PCDHA8: variants seen among roughly 807,000 people sequenced by gnomAD.
PCDHA8 encodes the protein protocadherin alpha 8.
In PCDHA8, 53 loss-of-function variants were observed where a neutral mutation model predicts 61.8. The observed-to-expected ratio is 0.86, with a 90% CI of 0.69 to 1.08. The LOEUF is 1.08. PCDHA8 is among the 50% of genes least tolerant of loss of function. The probability of loss-of-function intolerance (pLI) is 0.00; values close to 1 mark genes in which losing one functional copy is unlikely to be tolerated. For missense variants in PCDHA8, 1,293 were observed against 1,245.0 expected (o/e 1.04, Z -0.58); for synonymous variants, 618 against 556.6 (o/e 1.11, Z -1.55).
In PCDHA8 at chr5:140,983,053, C is replaced by T. The variant is rs571565176; in HGVS notation, c.2542+490C>T. 3.3e-5 allele frequency among the ~76,000 whole-genome samples: 5 copies of T among 151,988 alleles called. No homozygotes were observed. In the East Asian group the frequency reaches 5.8e-4, roughly 18 times the overall value. On this transcript the variant is annotated intron_variant, in intron 3 of 3. Transcript: ENST00000531613. ...GTTTCTCATGGAAGTGGAAAATTAT[C>T]GGAACCAAGGCATTGTTTTGAGTTC...
At chr5:140,887,767 A>G (rs782237653) in intron 1 of PCDHA8, among the ~76,000 whole-genome samples, 6 of 152,194 alleles carry the variant, frequency 3.9e-5, no homozygotes, top group African/African-American at 7.2e-5. Context: ...CATATGTTAC[A>G]ATGACACAGG....
At chr5:140,859,250 T>C (rs952505479) in intron 1 of PCDHA8, 7 of 133,126 alleles carry the variant, frequency 5.3e-5, no homozygotes, top group African/African-American at 1.9e-4. Flanking sequence ...TGTTTAATAA[T>C]GAAGAGAATT....
intron 1 of PCDHA8, chr5:140,861,256 C>T (rs553582293): frequency 1.8e-5 from 3 of 166,694 alleles, no homozygotes; most frequent in African/African-American, 7.2e-5. Flanking sequence ...GCCAGGAATC[C>T]CGGAGCCTAC....
intron 1 of PCDHA8, chr5:140,849,736 AC>A: frequency 1.3e-6 from 2 of 1,598,292 alleles, no homozygotes; most frequent in Non-Finnish European, 1.7e-6. Flanking sequence ...AGAGCTCTGG[AC>A]CGCGAGAGTG....
At chr5:140,899,423 G>A (rs2067323431) in intron 1 of PCDHA8, among the ~76,000 whole-genome samples, 1 of 152,134 alleles carries the variant, frequency 6.6e-6, no homozygotes. Context: ...TTTGTCAAAG[G>A]TCTTTTCTGC....
At chr5:140,926,139 C>A (rs1434952263) in intron 1 of PCDHA8, among the ~76,000 whole-genome samples, 11 of 152,088 alleles carry the variant, frequency 7.2e-5, no homozygotes, top group Non-Finnish European at 1.5e-4. Flanking sequence ...GCAGCAGGAT[C>A]CAGCGCGGAA....
intron 1 of PCDHA8, chr5:140,966,932 G>A: frequency 6.2e-7 from 1 of 1,603,726 alleles, no homozygotes; most frequent in Non-Finnish European, 8.5e-7. Flanking sequence ...GGCACCCGGC[G>A]CGCTCGTGGG....
chr5:140,875,629 G>A, intron 1 of PCDHA8: 1 of 1,613,758 alleles, frequency 6.2e-7, no homozygotes, highest in Non-Finnish European at 8.5e-7. Flanking sequence ...TCAGGACCTG[G>A]GGCTGGAGCT....
intron 1 of PCDHA8, among the ~76,000 whole-genome samples, chr5:140,873,139 A>G (rs1325307438): frequency 6.6e-6 from 1 of 152,216 alleles, no homozygotes; most frequent in Non-Finnish European, 1.5e-5. Context: ...TCTATGCTGA[A>G]GCCTATTCAT....
intron 1 of PCDHA8, among the ~76,000 whole-genome samples, chr5:140,940,208 A>T (rs1193106137): frequency 6.6e-6 from 1 of 152,164 alleles, no homozygotes; most frequent in Non-Finnish European, 1.5e-5. Flanking sequence ...AAAATTCAAG[A>T]TTGGCATTTA....
In PCDHA8 at chr5:140,903,129, A is replaced by C. The variant is rs184256724; in HGVS notation, c.2394+59414A>C. On this transcript the variant is annotated intron_variant, in intron 1 of 3. Coordinates refer to ENST00000531613, the MANE Select transcript of PCDHA8 (RefSeq NM_018911.3). ...TAGCTCTACTTCTAAATCTTTAAGA[A>C]ATCTCCAAACTGTTTTCCATAGTGG... Among the ~76,000 whole-genome samples the C allele has an allele frequency of 2.8e-3, 421 of 152,322 alleles. 2 individuals carry two copies. Among genetic ancestry groups the C allele is most frequent in the Middle Eastern group, 0.014 (4 of 294 alleles).
At chr5:140,948,325 C>T (rs1554218520) in intron 1 of PCDHA8, among the ~76,000 whole-genome samples, 1 of 151,476 alleles carries the variant, frequency 6.6e-6, no homozygotes. Flanking sequence ...GTAATGTTTT[C>T]ATTAGGTTTT....
chr5:140,908,547 A>G (rs2074022083), intron 1 of PCDHA8, among the ~76,000 whole-genome samples: 1 of 152,152 alleles, frequency 6.6e-6, no homozygotes, highest in Non-Finnish European at 1.5e-5. Context: ...AAAGCCCAGT[A>G]ATAGGCCAAG....
chr5:141,011,085 T>C lies in PCDHA8; in HGVS notation c.*1148T>C, dbSNP rs2098419298. The C allele has an allele frequency of 6.5e-6, 1 of 153,776 alleles. No homozygotes were observed. Among genetic ancestry groups the C allele is most frequent in the Non-Finnish European group, 1.5e-5 (1 of 68,046 alleles). The allele number at this position is 153,776 out of a possible 1,614,324, so 9.5% of individuals were successfully genotyped here. A position where few individuals can be genotyped will look rare whatever the true frequency, so the allele number is the denominator to read the frequency against. ...ATGTATTACTAAATAAAATGATCTC[T>C]CTTTCTCTCTCTCTCTCTCTTTTCT... On this transcript the variant is annotated 3_prime_UTR_variant, in exon 4 of 4. Transcript: ENST00000531613.
At chr5:140,922,888 C>A (rs1584282377) in intron 1 of PCDHA8, among the ~76,000 whole-genome samples, 1 of 152,236 alleles carries the variant, frequency 6.6e-6, no homozygotes, top group South Asian at 2.1e-4. Flanking sequence ...AGACATCATT[C>A]AAGAAAAAAT....
intron 1 of PCDHA8, among the ~76,000 whole-genome samples, chr5:140,905,387 G>T (rs1554192032): frequency 1.3e-5 from 2 of 152,138 alleles, no homozygotes; most frequent in African/African-American, 4.8e-5. Context: ...TGTTTCATAG[G>T]TCTGTGTGCC....
intron 1 of PCDHA8, among the ~76,000 whole-genome samples, chr5:140,897,816 G>C (rs1305259522): frequency 1.1e-4 from 16 of 152,078 alleles, no homozygotes; most frequent in Non-Finnish European, 1.9e-4. Flanking sequence ...CAGTGTAAAA[G>C]TGTTCCTATT....
At chr5:140,862,318 A>C (rs2153223303) in intron 1 of PCDHA8, 1 of 317,904 alleles carries the variant, frequency 3.1e-6, no homozygotes, top group African/African-American at 2.2e-5. Context: ...TCATAGCCCT[A>C]ATCAGTGTAA....
intron 1 of PCDHA8, chr5:140,870,723 C>A: frequency 1.9e-6 from 3 of 1,613,170 alleles, no homozygotes; most frequent in East Asian, 4.5e-5. Context: ...GCGATGCGGG[C>A]GTGCCGCCTC....
Sources: allele counts gnomAD v4.1 joint callset (sites outside exome capture counted in the v4.1 genomes callset), GRCh38; gene constraint gnomAD v4.1.1; transcripts MANE v1.5; gene names NCBI Gene and HGNC (gene_info 2026-07-23, HGNC 2026-07-21).